Variants in NTM observed in about 807,000 individuals in gnomAD.
NTM encodes the protein neurotrimin, also known as IgLON family member 2.
A neutral mutation model predicts 42.1 loss-of-function variants in NTM; 13 were observed. The observed-to-expected ratio is 0.31, with a 90% CI of 0.20 to 0.49. NTM has a LOEUF of 0.49. Ranked by LOEUF, NTM falls within the 20% of genes least tolerant of loss-of-function variation. The pLI is 0.99. For synonymous variants in NTM, 187 were observed against 179.2 expected, an observed-to-expected ratio of 1.04 and a Z score of -0.35; for missense variants, 373 against 452.8, an observed-to-expected ratio of 0.82 and a Z score of 1.60.
intron 2 of NTM, among the ~76,000 whole-genome samples, chr11:131,996,175 A>C (rs979618257): frequency 6.6e-6 from 1 of 152,138 alleles, no homozygotes; most frequent in Non-Finnish European, 1.5e-5. Context: ...AAGAGTTTTC[A>C]GTAGGGACAT....
chr11:131,764,316 G>A (rs1315497964), intron 1 of NTM, among the ~76,000 whole-genome samples: 2 of 152,102 alleles, frequency 1.3e-5, no homozygotes, highest in African/African-American at 2.4e-5. Context: ...AGATGGAACC[G>A]GTCTCTTTTG....
Position 131,873,601 on chromosome 11 carries a change from TATATATATACC to T in NTM, c.83-37962_83-37952del, listed in dbSNP as rs2137116385. Among the ~76,000 whole-genome samples, 2 of 63,690 alleles carry T rather than the reference TATATATATACC, an allele frequency of 3.1e-5. 1 individual carries two copies. Among genetic ancestry groups the T allele is most frequent in the African/African-American group, 1.0e-4 (2 of 19,922 alleles). The allele number at this position is 63,690 out of a possible 152,430, so 41.8% of individuals were successfully genotyped here. Reference sequence around the variant, plus strand: ...TATATATATACCGTATATATATACATATATATATACCGTATATATATACATATATATATACA... The same window carrying T: ...TATATATATACCGTATATATATACATGTATATATATACATATATATATACA... On this transcript the variant is annotated intron_variant, in intron 1 of 8. Coordinates refer to ENST00000683400, the MANE Select transcript of NTM (RefSeq NM_001352005.2).
rs1292039423 is a variant in NTM at position 131,500,575 on chromosome 11, ATATTTTTTTTTTT to A, written c.82+129689_82+129701del. ...TATATATATATATATATATATATAT[ATATTTTTTTTTTT>A]TTTTTTTGTATTATACTTTAAGTTC... On this transcript the variant is annotated intron_variant, in intron 1 of 8. Coordinates refer to ENST00000683400, the MANE Select transcript of NTM (RefSeq NM_001352005.2). Among the ~76,000 whole-genome samples the A allele has an allele frequency of 1.3e-3, 23 of 18,044 alleles. 1 individual carries two copies. The highest frequency in any genetic ancestry group is 5.8e-3 in the African/African-American group (22 of 3,818). 11.8% of individuals were successfully genotyped at this position (18,044 alleles called of 152,430 possible).
intron 1 of NTM, among the ~76,000 whole-genome samples, chr11:131,725,341 A>T (rs11821191): frequency 0.068 from 10,385 of 152,234 alleles, 1,143 homozygotes; most frequent in African/African-American, 0.23. Flanking sequence ...CAGGCAATAT[A>T]CAATTTGAGG....
intron 2 of NTM, among the ~76,000 whole-genome samples, chr11:132,063,803 C>T (rs1421312105): frequency 6.6e-6 from 1 of 152,182 alleles, no homozygotes; most frequent in Non-Finnish European, 1.5e-5. Context: ...GTATGTGAGT[C>T]TGTCTCCACT....
rs184430554 is a variant in NTM at position 131,473,439 on chromosome 11, T to G, written c.82+102551T>G. ...TATTCATCAGACACAAACTCATGCATTTTTTTAAGCTCATTCATAGGGGCT... is the reference window on the plus strand; with the variant it reads ...TATTCATCAGACACAAACTCATGCAGTTTTTTAAGCTCATTCATAGGGGCT... On this transcript the variant is annotated intron_variant, in intron 1 of 8. Coordinates refer to ENST00000683400, the MANE Select transcript of NTM (RefSeq NM_001352005.2). 2.0e-5 allele frequency among the ~76,000 whole-genome samples: 3 copies of G among 152,266 alleles called. No individual in the cohort carries two copies. The East Asian group carries it at 5.8e-4, about 29-fold the overall frequency.
At chr11:131,735,837 T>TGC (rs769782661) in intron 1 of NTM, among the ~76,000 whole-genome samples, 1 of 64,544 alleles carries the variant, frequency 1.5e-5, no homozygotes, top group Non-Finnish European at 2.8e-5. Context: ...ATTCATAAGG[T>TGC]GTGTGTGTGT....
chr11:131,628,769 C>T (rs963875727), intron 1 of NTM, among the ~76,000 whole-genome samples: 18 of 152,212 alleles, frequency 1.2e-4, no homozygotes, highest in African/African-American at 2.4e-4. Flanking sequence ...AGACACTAAA[C>T]GGTGGGCTGA....
intron 1 of NTM, among the ~76,000 whole-genome samples, chr11:131,460,307 T>C (rs6590577): frequency 0.66 from 98,324 of 148,256 alleles, 32,209 homozygotes; most frequent in African/African-American, 0.79. Context: ...TTGGTTCTCA[T>C]TTATTTTGAA....
intron 2 of NTM, among the ~76,000 whole-genome samples, chr11:132,115,986 A>G (rs1455004140): frequency 6.6e-6 from 1 of 152,140 alleles, no homozygotes; most frequent in African/African-American, 2.4e-5. Flanking sequence ...CCATTGGTTG[A>G]CTGCTATAGC....
intron 4 of NTM, among the ~76,000 whole-genome samples, chr11:132,262,966 G>T (rs952113641): frequency 6.6e-6 from 1 of 152,214 alleles, no homozygotes; most frequent in Non-Finnish European, 1.5e-5. Context: ...AATGGGGTAG[G>T]CATTCCCATT....
chr11:131,747,160 G>A (rs2081927871), intron 1 of NTM, among the ~76,000 whole-genome samples: 1 of 152,168 alleles, frequency 6.6e-6, no homozygotes, highest in African/African-American at 2.4e-5. Flanking sequence ...GGCACAGATG[G>A]AAAATGTGCT....
At chr11:131,796,855 C>T (rs1470096766) in intron 1 of NTM, among the ~76,000 whole-genome samples, 1 of 152,134 alleles carries the variant, frequency 6.6e-6, no homozygotes, top group Non-Finnish European at 1.5e-5. Context: ...TTCCTTCCTC[C>T]TAGAGAGAGT....
chr11:131,980,073 T>G (rs888885613), intron 2 of NTM, among the ~76,000 whole-genome samples: 1 of 152,132 alleles, frequency 6.6e-6, no homozygotes, highest in African/African-American at 2.4e-5. Context: ...GATTACAATT[T>G]TAAGAGTAAT....
intron 1 of NTM, among the ~76,000 whole-genome samples, chr11:131,429,082 A>C (rs1314555171): frequency 6.6e-6 from 1 of 152,010 alleles, no homozygotes; most frequent in African/African-American, 2.4e-5. Flanking sequence ...TCTGCTCCAG[A>C]CTAGGTGAGT....
chr11:131,976,113 C>CTTCCTTCCT (rs2064302005), intron 2 of NTM, among the ~76,000 whole-genome samples: 1 of 67,254 alleles, frequency 1.5e-5, no homozygotes. Context: ...CCCTCCCTCC[C>CTTCCTTCCT]TCATTCCTTC....
chr11:132,138,594 CTATCTATCTATCTATCTATCT>C (rs1253555445), intron 2 of NTM, among the ~76,000 whole-genome samples: 5 of 74,280 alleles, frequency 6.7e-5, no homozygotes, highest in Non-Finnish European at 1.5e-4. Flanking sequence ...ATCTATCTAT[CTATCTATCTATCTATCTATCT>C]ATCTATTCTA....
At chr11:132,026,038 G>T (rs2075128176) in intron 2 of NTM, among the ~76,000 whole-genome samples, 1 of 152,172 alleles carries the variant, frequency 6.6e-6, no homozygotes. Flanking sequence ...AACGGGAGTA[G>T]TAACACTTGC....
At chr11:132,163,698 T>C (rs917264805) in intron 3 of NTM, among the ~76,000 whole-genome samples, 2 of 152,230 alleles carry the variant, frequency 1.3e-5, no homozygotes, top group East Asian at 1.9e-4. Flanking sequence ...CTCAAAGGAC[T>C]GTATCCCAAT....
Sources: gnomAD v4.1 joint callset for allele counts (sites outside exome capture counted in the v4.1 genomes callset) on GRCh38, gnomAD v4.1.1 for gene constraint, MANE v1.5 for transcripts, NCBI Gene and HGNC (gene_info 2026-07-23, HGNC 2026-07-21) for gene names.